DYRK3: variants seen among roughly 807,000 people sequenced by gnomAD.
DYRK3 encodes the protein dual specificity tyrosine-phosphorylation-regulated kinase 3.
Under a neutral mutation model 40.8 loss-of-function variants are expected in DYRK3, and 30 were observed. The ratio of observed to expected loss-of-function variants is 0.74; its 90% CI spans 0.55 to 1.00. DYRK3 has a LOEUF of 1.00. DYRK3 is among the 50% of genes least tolerant of loss of function. The pLI is 0.00. For missense variants in DYRK3, 699 were observed against 731.5 expected (o/e 0.96, Z 0.51); for synonymous variants, 272 against 260.7 (o/e 1.04, Z -0.42).
chr1:206,648,136 G>C lies in DYRK3; in HGVS notation c.938G>C (p.Arg313Pro). The C allele has an allele frequency of 6.2e-7, 1 of 1,614,110 alleles. No homozygotes were observed. The highest frequency in any genetic ancestry group is 8.5e-7 in the Non-Finnish European group (1 of 1,180,016). ...KFQGFSVQLV[R>P]KFAQSILQSL... ...CAGGGTTTTAGCGTCCAGTTGGTAC[G>C]CAAGTTTGCCCAGTCCATCTTGCAA... The change falls in exon 3 of 3, where the codon CGC (arginine) becomes CCC (proline). Residue 313 changes from arginine to proline, a missense_variant. Transcript: ENST00000367109.
At chr1:206,636,757 A>G (rs566890446) in intron 1 of DYRK3, 2 of 537,662 alleles carry the variant, frequency 3.7e-6, no homozygotes, top group Admixed American at 3.3e-5. Flanking sequence ...AAATGATACA[A>G]TGAAATGCTG....
intron 2 of DYRK3, among the ~76,000 whole-genome samples, chr1:206,645,682 CTTT>C (rs1226901506): frequency 1.6e-5 from 2 of 126,928 alleles, no homozygotes; most frequent in Admixed American, 8.0e-5. Flanking sequence ...TCACATCTGG[CTTT>C]TTTTTTTTTT....
At position 206,650,501 on chromosome 1, in the gene DYRK3, C is replaced by T. The variant is rs1553421169; in HGVS notation, c.*1536C>T. On this transcript the variant is annotated 3_prime_UTR_variant, in exon 3 of 3. Coordinates refer to ENST00000367109, the MANE Select transcript of DYRK3 (RefSeq NM_003582.4). ...AGGATCACTTGAGCTGAGATCATGCCACTGCACTCCAGCCTAGGCAACAGA... is the reference window on the plus strand; with the variant it reads ...AGGATCACTTGAGCTGAGATCATGCTACTGCACTCCAGCCTAGGCAACAGA... 6.6e-6 allele frequency among the ~76,000 whole-genome samples: 1 copy of T among 152,136 alleles called. No homozygotes were observed. The highest frequency in any genetic ancestry group is 2.4e-5 in the African/African-American group (1 of 41,420).
intron 2 of DYRK3, among the ~76,000 whole-genome samples, chr1:206,646,847 A>G (rs1351402880): frequency 2.0e-5 from 3 of 152,234 alleles, no homozygotes; most frequent in Non-Finnish European, 2.9e-5. Context: ...CATTATTTTC[A>G]TCATGCTATA....
intron 1 of DYRK3, chr1:206,636,118 C>T: frequency 7.5e-7 from 1 of 1,337,284 alleles, no homozygotes; most frequent in South Asian, 1.2e-5. Context: ...AGGGGGGGAG[C>T]CCGGGAGCAA....
At chr1:206,637,181 T>C (rs1671140710) in intron 1 of DYRK3, among the ~76,000 whole-genome samples, 1 of 151,516 alleles carries the variant, frequency 6.6e-6, no homozygotes, top group Non-Finnish European at 1.5e-5. Context: ...GAAGACAGGC[T>C]CAGAGGAGAA....
rs1299940533 is a variant in DYRK3 at position 206,653,106 on chromosome 1, C to A, written c.*4141C>A. 6.6e-6 allele frequency among the ~76,000 whole-genome samples: 1 copy of A among 152,148 alleles called. No homozygotes were observed. The highest frequency in any genetic ancestry group is 2.1e-4 in the South Asian group (1 of 4,830). The stretch of plus-strand genomic sequence containing the variant: ...GCGCAGTGTTGTCTGCAGCCTCAAC[C>A]TCCCAGGCTCAGGTGATTCTCCCAT... On this transcript the variant is annotated 3_prime_UTR_variant, in exon 3 of 3. Transcript: ENST00000367109.
Position 206,649,128 on chromosome 1 carries a change from G to A in DYRK3, c.*163G>A. 1.4e-6 allele frequency: 1 copy of A among 724,820 alleles called. No individual in the cohort carries two copies. The highest frequency in any genetic ancestry group is 2.1e-6 in the Non-Finnish European group (1 of 466,338). The allele number at this position is 724,820 out of a possible 1,614,324, so 44.9% of individuals were successfully genotyped here. A position where few individuals can be genotyped will look rare whatever the true frequency, so the allele number is the denominator to read the frequency against. ...ATGATTATAAAAGAATTCTTCAAGGGCTAATTACCTAACCAGCTTGTATTG... is the reference window on the plus strand; with the variant it reads ...ATGATTATAAAAGAATTCTTCAAGGACTAATTACCTAACCAGCTTGTATTG... On this transcript the variant is annotated 3_prime_UTR_variant, in exon 3 of 3. Coordinates refer to ENST00000367109, the MANE Select transcript of DYRK3 (RefSeq NM_003582.4).
chr1:206,648,908 G>T lies in DYRK3; in HGVS notation c.1710G>T (p.Met570Ile). Residue 570 changes from methionine to isoleucine, a missense_variant, in exon 3 of 3, where the codon ATG (methionine) becomes ATT (isoleucine). Physicochemically the swap from Met to Ile is conservative, Grantham distance 10. Coordinates refer to ENST00000367109, the MANE Select transcript of DYRK3 (RefSeq NM_003582.4). The part of the protein sequence containing the change: ...GIANKLKANL[M>I]SETNGSIPLC... ...CCAATAAGCTTAAAGCTAACTTAAT[G>T]TCAGAAACCAATGGTAGTATACCCC... 1 of 1,614,194 alleles carries T rather than the reference G, an allele frequency of 6.2e-7. No homozygotes were observed. The highest frequency in any genetic ancestry group is 8.5e-7 in the Non-Finnish European group (1 of 1,180,036).
rs1323136076 is a variant in DYRK3, at chr1:206,655,075, G to T, written c.*6110G>T. Reference sequence around the variant, plus strand: ...TTGAGTCTGCTGACATGCTTCCTCTGGAAAGTGCAGTTTGGCATGGATGAG... The same window carrying T: ...TTGAGTCTGCTGACATGCTTCCTCTTGAAAGTGCAGTTTGGCATGGATGAG... On this transcript the variant is annotated 3_prime_UTR_variant, in exon 3 of 3. Transcript: ENST00000367109. Among the ~76,000 whole-genome samples, 3 of 152,194 alleles carry T rather than the reference G, an allele frequency of 2.0e-5. No homozygotes were observed. Among genetic ancestry groups the T allele is most frequent in the African/African-American group, 7.2e-5 (3 of 41,436 alleles).
At chr1:206,643,621 A>T (rs1045214889) in intron 2 of DYRK3, among the ~76,000 whole-genome samples, 3 of 152,144 alleles carry the variant, frequency 2.0e-5, no homozygotes, top group African/African-American at 7.2e-5. Flanking sequence ...ATCCATGGAG[A>T]GGTAACACAG....
intron 2 of DYRK3, among the ~76,000 whole-genome samples, chr1:206,643,510 G>A (rs1172005749): frequency 6.6e-6 from 1 of 152,196 alleles, no homozygotes. Context: ...GACAGACGCT[G>A]CACCACAAAT....
rs782046581 is a variant in DYRK3, at chr1:206,637,578, T to C, written c.78-72T>C. ...CTATTACTGTTCCTTGTAGCAGATA[T>C]GAAGCAGTTAAGACATAGGATTCTA... On this transcript the variant is annotated intron_variant, in intron 1 of 2. Transcript: ENST00000367109. 1.4e-5 allele frequency: 14 copies of C among 1,007,004 alleles called. 1 individual carries two copies. Among genetic ancestry groups the C allele is most frequent in the African/African-American group, 3.2e-5 (2 of 62,322 alleles). 62.4% of individuals were successfully genotyped at this position (1,007,004 alleles called of 1,614,324 possible).
rs202111591 is a variant in DYRK3, at chr1:206,647,900, C to A, written c.702C>A (p.Tyr234Ter). 2 of 1,614,016 alleles carry A rather than the reference C, an allele frequency of 1.2e-6. No homozygotes were observed. Among genetic ancestry groups the A allele is most frequent in the Non-Finnish European group, 1.7e-6 (2 of 1,180,022 alleles). ...TCTATGATCACAAACTTCGACAGTA[C>A]GTGGCCCTAAAAATGGTGCGCAATG... ...ARVYDHKLRQYVALKMVRNEK... is the reference protein window; with the variant it reads ...ARVYDHKLRQ Residue 234 changes from tyrosine (Y) to a stop codon, truncating the protein, a stop_gained, in exon 3 of 3, where the codon TAC (tyrosine) becomes TAA (stop). Transcript: ENST00000367109. LOFTEE classifies it high-confidence loss of function.
chr1:206,652,917 A>G lies in DYRK3; in HGVS notation c.*3952A>G, dbSNP rs574885904. On this transcript the variant is annotated 3_prime_UTR_variant, in exon 3 of 3. Coordinates refer to ENST00000367109, the MANE Select transcript of DYRK3 (RefSeq NM_003582.4). The stretch of plus-strand genomic sequence containing the variant: ...TCAGTCAAACTGGTTAGGTTAGGTG[A>G]CTTACTGAGTTCTAAATTGACAAAT... 1.6e-3 allele frequency among the ~76,000 whole-genome samples: 242 copies of G among 152,298 alleles called. 5 individuals are homozygous for G. Among genetic ancestry groups the G allele is most frequent in the African/African-American group, 5.6e-3 (232 of 41,542 alleles).
At chr1:206,638,973 G>A (rs782352164) in intron 2 of DYRK3, among the ~76,000 whole-genome samples, 3 of 148,734 alleles carry the variant, frequency 2.0e-5, no homozygotes, top group Admixed American at 6.8e-5. Context: ...TCCACCTCCC[G>A]GGTCCAAGCA....
At chr1:206,642,879 C>T (rs942528770) in intron 2 of DYRK3, among the ~76,000 whole-genome samples, 9 of 151,774 alleles carry the variant, frequency 5.9e-5, no homozygotes, top group African/African-American at 2.2e-4. Flanking sequence ...ACATATGTAA[C>T]ATATGTAACC....
At chr1:206,636,918 C>A in intron 1 of DYRK3, 1 of 1,613,436 alleles carries the variant, frequency 6.2e-7, no homozygotes, top group Non-Finnish European at 8.5e-7. Flanking sequence ...GATCCTTAAT[C>A]ATTTAGAATT....
chr1:206,647,343 C>T (rs1671483079), intron 2 of DYRK3, 45 bp from the exon 3 acceptor site: 4 of 1,511,570 alleles, frequency 2.6e-6, no homozygotes, highest in Non-Finnish European at 3.5e-6. Context: ...ATTCTTCCAT[C>T]TTTCTAATGT....
Sources: gnomAD v4.1 joint callset for allele counts (sites outside exome capture counted in the v4.1 genomes callset) on GRCh38, gnomAD v4.1.1 for gene constraint, MANE v1.5 for transcripts, NCBI Gene and HGNC (gene_info 2026-07-23, HGNC 2026-07-21) for gene names.